Variants in CCZ1B observed in about 807,000 individuals in gnomAD.
The protein encoded by CCZ1B is CCZ1B vacuolar protein trafficking and biogenesis associated.
Under a neutral mutation model 58.8 loss-of-function variants are expected in CCZ1B, and 25 were observed. That is an observed-to-expected ratio of 0.43 (90% confidence interval 0.31 to 0.59). CCZ1B has a LOEUF of 0.59. CCZ1B is among the 20% of genes least tolerant of loss of function. The pLI is 0.12. For synonymous variants in CCZ1B, 66 were observed against 173.2 expected (o/e 0.38, Z 4.86); for missense variants, 180 against 501.5 (o/e 0.36, Z 6.12).
In CCZ1B at chr7:6,810,232, C is replaced by T. The variant is rs987031562; in HGVS notation, c.954+1720G>A. On this transcript the variant is annotated intron_variant, in intron 10 of 14. Transcript: ENST00000316731. ...TTCCCCATGTTGGCCAGGCTGGTCT[C>T]GAACTCCAGACCTCAGGTGATCCGC... Among the ~76,000 whole-genome samples the T allele has an allele frequency of 5.3e-5, 8 of 149,540 alleles. No individual in the cohort carries two copies. In the East Asian group the frequency reaches 5.8e-4, roughly 11 times the overall value.
At position 6,818,712 on chromosome 7, in the gene CCZ1B, C is replaced by CAAGAAAGAAAGAAAGAAAGAAAGA. The variant is rs769620724; in HGVS notation, c.698+1030_698+1053dup. Reference sequence around the variant, plus strand: ...AAGAAAGACAAGAAAGAAAGAAAGACAAGAAAGAAAGAAAGAAAGAAAGAA... The same window carrying CAAGAAAGAAAGAAAGAAAGAAAGA: ...AAGAAAGACAAGAAAGAAAGAAAGACAAGAAAGAAAGAAAGAAAGAAAGAAAGAAAGAAAGAAAGAAAGAAAGAA... On this transcript the variant is annotated intron_variant, in intron 7 of 14. Transcript: ENST00000316731. Among the ~76,000 whole-genome samples the CAAGAAAGAAAGAAAGAAAGAAAGA allele has an allele frequency of 2.2e-4, 18 of 80,732 alleles. 1 individual carries two copies. Among genetic ancestry groups the CAAGAAAGAAAGAAAGAAAGAAAGA allele is most frequent in the African/African-American group, 1.0e-3 (18 of 17,232 alleles). 53.0% of individuals were successfully genotyped at this position (80,732 alleles called of 152,430 possible).
chr7:6,810,616 C>G (rs1379798380), intron 10 of CCZ1B, among the ~76,000 whole-genome samples: 1 of 148,246 alleles, frequency 6.7e-6, no homozygotes, highest in African/African-American at 2.6e-5. Flanking sequence ...CCATGCCTGG[C>G]TAATTTTTAA....
chr7:6,803,714 A>T (rs1782793187), intron 12 of CCZ1B, among the ~76,000 whole-genome samples: 1 of 148,384 alleles, frequency 6.7e-6, no homozygotes, highest in Non-Finnish European at 1.5e-5. Flanking sequence ...CTGTCATCCC[A>T]GCACTTTGGG....
At chr7:6,813,175 C>T in intron 8 of CCZ1B, 138 bp from the exon 9 acceptor site, 1 of 1,465,896 alleles carries the variant, frequency 6.8e-7, no homozygotes, top group Non-Finnish European at 9.3e-7. Context: ...GTTCTGTTGC[C>T]CAGGCTGGAA....
chr7:6,815,027 A>G (rs1206948835), intron 7 of CCZ1B, among the ~76,000 whole-genome samples, 182 bp from the exon 8 acceptor site: 1 of 148,398 alleles, frequency 6.7e-6, no homozygotes, highest in Non-Finnish European at 1.5e-5. Context: ...TTTCTACCTG[A>G]GATCAAAATG....
chr7:6,812,201 T>G, intron 9 of CCZ1B, 138 bp from the exon 10 acceptor site: 2 of 980,364 alleles, frequency 2.0e-6, no homozygotes, highest in Non-Finnish European at 3.2e-6. Flanking sequence ...CATATCAGAA[T>G]AGGCCGGCTG....
rs368470392 is a variant in CCZ1B at position 6,816,381 on chromosome 7, T to C, written c.699-1536A>G. 8.1e-5 allele frequency among the ~76,000 whole-genome samples: 12 copies of C among 148,856 alleles called. No individual in the cohort carries two copies. In the East Asian group the frequency reaches 2.1e-3, roughly 26 times the overall value. ...CTCTAATCCCAGCTACTTGGGAGAC[T>C]GAGGCATGAGAATCGCTTGAACCTG... is the stretch of plus-strand genomic sequence containing the variant. On this transcript the variant is annotated intron_variant, in intron 7 of 14. Coordinates refer to ENST00000316731, the MANE Select transcript of CCZ1B (RefSeq NM_198097.5).
chr7:6,814,723 C>T (rs187418851), intron 8 of CCZ1B, 41 bp downstream of exon 8: 9 of 1,547,168 alleles, frequency 5.8e-6, no homozygotes, highest in Admixed American at 1.7e-5. Flanking sequence ...CCTCTCTGTG[C>T]CCCTGCATGT....
At chr7:6,803,833 C>T (rs1273396775) in intron 12 of CCZ1B, among the ~76,000 whole-genome samples, 1 of 151,208 alleles carries the variant, frequency 6.6e-6, no homozygotes, top group Non-Finnish European at 1.5e-5. Context: ...TGATGGCACC[C>T]AGCTACTCAG....
chr7:6,822,636 T>C (rs1562433024), intron 5 of CCZ1B, among the ~76,000 whole-genome samples: 2 of 148,640 alleles, frequency 1.3e-5, no homozygotes, highest in Admixed American at 6.7e-5. Context: ...ACATACATAA[T>C]ATCACCCACA....
At chr7:6,816,458 G>A (rs542909170) in intron 7 of CCZ1B, among the ~76,000 whole-genome samples, 1 of 148,774 alleles carries the variant, frequency 6.7e-6, no homozygotes, top group African/African-American at 2.5e-5. Context: ...TCTAGCCTGG[G>A]CAACCAAGCA....
At chr7:6,801,923 C>CA (rs1356417173) in intron 12 of CCZ1B, among the ~76,000 whole-genome samples, 2 of 120,610 alleles carry the variant, frequency 1.7e-5, no homozygotes, top group African/African-American at 5.9e-5. Context: ...GCCATTGCCA[C>CA]ATGTTCATGT....
chr7:6,817,476 G>A (rs1280748220), intron 7 of CCZ1B, among the ~76,000 whole-genome samples: 1 of 149,920 alleles, frequency 6.7e-6, no homozygotes, highest in East Asian at 1.9e-4. Flanking sequence ...GCTGGATTCT[G>A]GCTTGTCACA....
At chr7:6,811,106 AG>A (rs1239523043) in intron 10 of CCZ1B, among the ~76,000 whole-genome samples, 3 of 151,408 alleles carry the variant, frequency 2.0e-5, no homozygotes, top group African/African-American at 7.4e-5. Context: ...GGATGGGGGA[AG>A]GGGAGGCTGA....
In CCZ1B at chr7:6,813,021, G is replaced by A. The variant is rs1331275593; in HGVS notation, c.797C>T (p.Ser266Phe). The A allele has an allele frequency of 1.9e-6, 3 of 1,579,522 alleles. No homozygotes were observed. The Admixed American group carries it at 5.3e-5, about 28-fold the overall frequency. Residue 266 changes from serine to phenylalanine, a missense_variant, in exon 9 of 15, where the codon TCT (serine) becomes TTT (phenylalanine). Physicochemically the swap from Ser to Phe is radical, Grantham distance 155 (BLOSUM62 -2). Transcript: ENST00000316731. ...HIEPELAGRD[S>F]PIRAEMPGNL... ...TCCTGGCATTTCTGCTCTTATTGGAGAATCCCTTCCTGCTAACTGCAAATA... is the reference window on the plus strand; with the variant it reads ...TCCTGGCATTTCTGCTCTTATTGGAAAATCCCTTCCTGCTAACTGCAAATA...
Position 6,819,240 on chromosome 7 carries a change from C to CT in CCZ1B, c.698+525dup, listed in dbSNP as rs200393243. 6.8e-3 allele frequency among the ~76,000 whole-genome samples: 912 copies of CT among 133,158 alleles called. 83 individuals carry two copies. The highest frequency in any genetic ancestry group is 0.024 in the African/African-American group (804 of 33,460). The allele number at this position is 133,158 out of a possible 152,430, so 87.4% of individuals were successfully genotyped here. A position where few individuals can be genotyped will look rare whatever the true frequency, so the allele number is the denominator to read the frequency against. On this transcript the variant is annotated intron_variant, in intron 7 of 14. Transcript: ENST00000316731. The stretch of plus-strand genomic sequence containing the variant: ...CTAAATCTTACTTGATAGGAACATT[C>CT]TTTTTTTTTTTTTGGAGACAGAGTC...
chr7:6,810,246 C>T lies in CCZ1B; in HGVS notation c.954+1706G>A, dbSNP rs560574935. On this transcript the variant is annotated intron_variant, in intron 10 of 14. Transcript: ENST00000316731. ...CAGGCTGGTCTCGAACTCCAGACCT[C>T]AGGTGATCCGCCCACCTTGGCCTCC... Among the ~76,000 whole-genome samples, 166 of 149,326 alleles carry T rather than the reference C, an allele frequency of 1.1e-3. 20 individuals carry two copies. The highest frequency in any genetic ancestry group is 4.1e-3 in the African/African-American group (164 of 39,526).
chr7:6,819,130 A>AAAAAAG (rs1421034149), intron 7 of CCZ1B, among the ~76,000 whole-genome samples: 1 of 146,852 alleles, frequency 6.8e-6, no homozygotes, highest in Non-Finnish European at 1.5e-5. Context: ...TAAGAAAAAA[A>AAAAAAG]AAAAAAAAAA....
chr7:6,810,728 C>G (rs1782905706), intron 10 of CCZ1B, among the ~76,000 whole-genome samples: 1 of 149,682 alleles, frequency 6.7e-6, no homozygotes, highest in South Asian at 2.1e-4. Context: ...AGTGCTGGGA[C>G]TGCACCTGGC....
Sources: gnomAD v4.1 joint callset for allele counts (sites outside exome capture counted in the v4.1 genomes callset) on GRCh38, gnomAD v4.1.1 for gene constraint, MANE v1.5 for transcripts, NCBI Gene and HGNC (gene_info 2026-07-23, HGNC 2026-07-21) for gene names.